COL26A1: variants seen among roughly 807,000 people sequenced by gnomAD.
The protein encoded by COL26A1 is collagen alpha-1(XXVI) chain.
In COL26A1, 41 loss-of-function variants were observed where a neutral mutation model predicts 59.3. The ratio of observed to expected loss-of-function variants is 0.69; its 90% confidence interval spans 0.54 to 0.90. The LOEUF (loss-of-function observed/expected upper bound fraction) is 0.90, where lower values mean the gene tolerates loss of function less well. Among genes scored for constraint, COL26A1 ranks in the 40% least tolerant of loss-of-function variants. The pLI is 0.00. For missense variants in COL26A1, 612 were observed against 602.3 expected (o/e 1.02, Z -0.17); for synonymous variants, 266 against 256.0 (o/e 1.04, Z -0.37).
chr7:101,555,992 TC>T (rs1477946055), intron 12 of COL26A1, 121 bp downstream of exon 12: 22 of 743,338 alleles, frequency 3.0e-5, no homozygotes, highest in Middle Eastern at 2.7e-4. Context: ...AGTCTGACCC[TC>T]CCCCTCCCCT....
chr7:101,377,539 A>G (rs1238713785), intron 1 of COL26A1, among the ~76,000 whole-genome samples: 2 of 151,920 alleles, frequency 1.3e-5, no homozygotes, highest in African/African-American at 4.8e-5. Context: ...TGATCCTTCC[A>G]CCTTAGCCTC....
chr7:101,380,737 C>T (rs933957117), intron 1 of COL26A1, among the ~76,000 whole-genome samples: 6 of 152,204 alleles, frequency 3.9e-5, no homozygotes, highest in Non-Finnish European at 8.8e-5. Context: ...TAGAGATCAG[C>T]TTAAACATCA....
intron 1 of COL26A1, among the ~76,000 whole-genome samples, chr7:101,418,466 AT>A (rs1184147697): frequency 6.6e-6 from 1 of 150,650 alleles, no homozygotes; most frequent in Non-Finnish European, 1.5e-5. Context: ...TTTTTTTCTT[AT>A]TTTATTTTAT....
chr7:101,545,675 G>A (rs549919715), intron 7 of COL26A1, among the ~76,000 whole-genome samples, 185 bp downstream of exon 7: 1 of 152,358 alleles, frequency 6.6e-6, no homozygotes, highest in East Asian at 1.9e-4. Context: ...GCCTGCCAGT[G>A]ACGATGACAG....
intron 8 of COL26A1, 65 bp downstream of exon 8, chr7:101,547,304 G>C: frequency 2.6e-6 from 3 of 1,141,920 alleles, no homozygotes; most frequent in Non-Finnish European, 3.8e-6. Context: ...CTGAGCCATG[G>C]GGCCTTGAGG....
At chr7:101,467,373 G>C (rs1793789429) in intron 3 of COL26A1, among the ~76,000 whole-genome samples, 1 of 144,850 alleles carries the variant, frequency 6.9e-6, no homozygotes, top group Non-Finnish European at 1.6e-5. Flanking sequence ...GGGGGAGGAT[G>C]GGGGGTGGTT....
rs377373287 is a variant in COL26A1, at chr7:101,487,144, C to T, written c.385+39357C>T. 1.4e-4 allele frequency among the ~76,000 whole-genome samples: 21 copies of T among 152,304 alleles called. 3 individuals carry two copies. Among genetic ancestry groups the T allele is most frequent in the Admixed American group, 7.8e-4 (12 of 15,294 alleles). ...CTAGAAACCCAGGAACCGGCAGCACCAGTGTTTCTGGGGCTGGTCACAGAC... is the reference window on the plus strand; with the variant it reads ...CTAGAAACCCAGGAACCGGCAGCACTAGTGTTTCTGGGGCTGGTCACAGAC... On this transcript the variant is annotated intron_variant, in intron 3 of 12. Transcript: ENST00000313669.
Position 101,545,466 on chromosome 7 carries a change from C to T in COL26A1, c.832C>T (p.Leu278=), listed in dbSNP as rs1479984676. Residue 278 remains leucine (L), a synonymous_variant, in exon 7 of 13, where the codon CTG becomes TTG. Coordinates refer to ENST00000313669, the MANE Select transcript of COL26A1 (RefSeq NM_001278563.3). ...PNSPQGALYS[L]QPPTDKDNGD... Reference sequence around the variant, plus strand: ...CAGCCCCCAGGGCGCCCTCTACTCCCTGCAGCCGCCTACAGACAAAGACAG... The same window carrying T: ...CAGCCCCCAGGGCGCCCTCTACTCCTTGCAGCCGCCTACAGACAAAGACAG... 3 of 1,608,280 alleles carry T rather than the reference C, an allele frequency of 1.9e-6. No individual in the cohort carries two copies. The highest frequency in any genetic ancestry group is 1.7e-5 in the Admixed American group (1 of 59,278).
intron 8 of COL26A1, among the ~76,000 whole-genome samples, 166 bp downstream of exon 8, chr7:101,547,405 C>T (rs1795760912): frequency 6.6e-6 from 1 of 152,228 alleles, no homozygotes; most frequent in African/African-American, 2.4e-5. Flanking sequence ...AATGAAGCCC[C>T]TCGTTTCCTA....
intron 1 of COL26A1, among the ~76,000 whole-genome samples, chr7:101,407,265 C>A (rs887701251): frequency 6.6e-6 from 1 of 152,184 alleles, no homozygotes; most frequent in African/African-American, 2.4e-5. Flanking sequence ...TCCAACTCCC[C>A]TACAGGATGT....
At chr7:101,407,166 A>G (rs377566868) in intron 1 of COL26A1, among the ~76,000 whole-genome samples, 56 of 152,138 alleles carry the variant, frequency 3.7e-4, no homozygotes, top group African/African-American at 1.3e-3. Flanking sequence ...GGCAGCGGGT[A>G]CCTCCTTATC....
intron 2 of COL26A1, among the ~76,000 whole-genome samples, chr7:101,422,033 C>T (rs1162829651): frequency 1.3e-5 from 2 of 151,936 alleles, no homozygotes; most frequent in African/African-American, 2.4e-5. Flanking sequence ...CTGCTTTTGC[C>T]AGTTGCGGTG....
At chr7:101,452,841 T>G (rs1584419919) in intron 3 of COL26A1, among the ~76,000 whole-genome samples, 1 of 152,034 alleles carries the variant, frequency 6.6e-6, no homozygotes, top group East Asian at 1.9e-4. Context: ...CTCTGCTCAC[T>G]GCAACCTCCG....
In COL26A1 at chr7:101,444,913, G is replaced by A. The variant is rs548886519; in HGVS notation, c.282-2771G>A. Among the ~76,000 whole-genome samples, 23 of 151,804 alleles carry A rather than the reference G, an allele frequency of 1.5e-4. No homozygotes were observed. The East Asian group carries it at 3.7e-3, about 24-fold the overall frequency. ...GGCTGGAGTGCAGTGGCATGATCTC[G>A]GCTCACTGCAACCTCCACCTCCCAG... On this transcript the variant is annotated intron_variant, in intron 2 of 12. Coordinates refer to ENST00000313669, the MANE Select transcript of COL26A1 (RefSeq NM_001278563.3).
chr7:101,449,909 A>G (rs1364463333), intron 3 of COL26A1, among the ~76,000 whole-genome samples: 1 of 152,152 alleles, frequency 6.6e-6, no homozygotes, highest in Non-Finnish European at 1.5e-5. Flanking sequence ...GGATCACTTG[A>G]GGTCAGGAGT....
At chr7:101,416,667 C>G (rs1417889726) in intron 1 of COL26A1, among the ~76,000 whole-genome samples, 2 of 143,576 alleles carry the variant, frequency 1.4e-5, no homozygotes, top group Non-Finnish European at 3.2e-5. Flanking sequence ...ATCGGTTTGC[C>G]CTTTAGCTGT....
intron 3 of COL26A1, among the ~76,000 whole-genome samples, chr7:101,471,032 T>A (rs1793886827): frequency 6.6e-6 from 1 of 152,066 alleles, no homozygotes; most frequent in Non-Finnish European, 1.5e-5. Context: ...CGCTAGCAAT[T>A]TCAACAAAGA....
rs1431235967 is a variant in COL26A1 at position 101,434,037 on chromosome 7, TTCCCTTCCCTCCCTCCC to T, written c.282-13641_282-13625del. On this transcript the variant is annotated intron_variant, in intron 2 of 12. Transcript: ENST00000313669. ...ATTTTCCCATCTGGTGATTACTCCCTTCCCTTCCCTCCCTCCCTCCCTCCCTCCCTCCCTCCCTCCCT... is the reference window on the plus strand; with the variant it reads ...ATTTTCCCATCTGGTGATTACTCCCTTCCCTCCCTCCCTCCCTCCCTCCCT... Among the ~76,000 whole-genome samples the T allele has an allele frequency of 6.3e-4, 71 of 113,564 alleles. 2 individuals carry two copies. The highest frequency in any genetic ancestry group is 2.6e-3 in the African/African-American group (57 of 21,744). The allele number at this position is 113,564 out of a possible 152,430, so 74.5% of individuals were successfully genotyped here.
chr7:101,492,446 C>T (rs557982895), intron 3 of COL26A1, among the ~76,000 whole-genome samples: 1 of 151,804 alleles, frequency 6.6e-6, no homozygotes, highest in African/African-American at 2.4e-5. Flanking sequence ...CCTGTAATCT[C>T]AGCACTTTGG....
Sources: allele counts gnomAD v4.1 joint callset (sites outside exome capture counted in the v4.1 genomes callset), GRCh38; gene constraint gnomAD v4.1.1; transcripts MANE v1.5; gene names NCBI Gene and HGNC (gene_info 2026-07-23, HGNC 2026-07-21).